Variants in DLC1 observed in about 807,000 individuals in gnomAD.
The protein encoded by DLC1 is rho GTPase-activating protein 7.
Under a neutral mutation model 140.3 loss-of-function variants are expected in DLC1, and 54 were observed. The ratio of observed to expected loss-of-function variants is 0.38; its 90% CI spans 0.31 to 0.48. DLC1 has a LOEUF of 0.48. Among genes scored for constraint, DLC1 ranks in the 20% least tolerant of loss-of-function variants. DLC1 has a pLI of 0.96. For synonymous variants in DLC1, 986 were observed against 728.1 expected (o/e 1.35, Z -5.70); for missense variants, 2,536 against 1,907.0 (o/e 1.33, Z -6.14).
At chr8:13,449,578 C>G (rs190378150) in intron 2 of DLC1, among the ~76,000 whole-genome samples, 1 of 151,758 alleles carries the variant, frequency 6.6e-6, no homozygotes, top group Non-Finnish European at 1.5e-5. Context: ...GGACAAAAAA[C>G]CAAACACTGC....
At chr8:13,299,843 G>A (rs917659699) in intron 5 of DLC1, among the ~76,000 whole-genome samples, 4 of 152,164 alleles carry the variant, frequency 2.6e-5, no homozygotes, top group African/African-American at 9.7e-5. Context: ...GAAGTCAACA[G>A]TGACTCCCAG....
At chr8:13,306,056 G>A (rs1301604986) in intron 4 of DLC1, among the ~76,000 whole-genome samples, 1 of 151,890 alleles carries the variant, frequency 6.6e-6, no homozygotes, top group African/African-American at 2.4e-5. Flanking sequence ...TTTATTAATC[G>A]CATCTAGATA....
chr8:13,386,994 T>C (rs1432853553), intron 4 of DLC1, among the ~76,000 whole-genome samples: 5 of 152,094 alleles, frequency 3.3e-5, no homozygotes, highest in African/African-American at 1.2e-4. Context: ...CAAAAGACAT[T>C]CTTTTCTAAG....
At chr8:13,293,770 A>G (rs1831847752) in intron 5 of DLC1, among the ~76,000 whole-genome samples, 1 of 152,168 alleles carries the variant, frequency 6.6e-6, no homozygotes, top group South Asian at 2.1e-4. Context: ...TGTGGGAGGA[A>G]ACATTTGAAT....
At chr8:13,538,639 C>G in intron 1 of DLC1, among the ~76,000 whole-genome samples, 1 of 152,090 alleles carries the variant, frequency 6.6e-6, no homozygotes, top group Non-Finnish European at 1.5e-5. Flanking sequence ...AGCCAGTAAT[C>G]CTCCTGAAAC....
chr8:13,085,317 A>C lies in DLC1; in HGVS notation c.*494T>G, dbSNP rs1403942484. ...GCCAGACACTGAATCCACCTTAGAC[A>C]TCTATTGCCATTCAGCCAGCAACAA... On this transcript the variant is annotated 3_prime_UTR_variant, in exon 18 of 18. Transcript: ENST00000276297. 2.0e-5 allele frequency: 3 copies of C among 153,258 alleles called. No individual in the cohort carries two copies. The highest frequency in any genetic ancestry group is 4.4e-5 in the Non-Finnish European group (3 of 68,496). 9.5% of individuals were successfully genotyped at this position (153,258 alleles called of 1,614,324 possible).
At chr8:13,206,641 G>A (rs1227936172) in intron 5 of DLC1, among the ~76,000 whole-genome samples, 2 of 152,016 alleles carry the variant, frequency 1.3e-5, no homozygotes, top group Non-Finnish European at 2.9e-5. Flanking sequence ...TAATAAACGA[G>A]CTATTTTAGC....
intron 2 of DLC1, among the ~76,000 whole-genome samples, chr8:13,424,241 A>C (rs369379527): frequency 6.6e-6 from 1 of 152,084 alleles, no homozygotes; most frequent in Non-Finnish European, 1.5e-5. Flanking sequence ...GCTCACCCCT[A>C]TAATCCCAGC....
rs78555693 is a variant in DLC1, at chr8:13,425,871, C to G, written c.1024-24252G>C. On this transcript the variant is annotated intron_variant, in intron 2 of 17. Coordinates refer to ENST00000276297, the MANE Select transcript of DLC1 (RefSeq NM_182643.3). ...CTCACTGTAGCCTTGACCTCCTGGG[C>G]TCAGGCTCAAGTGATTGTCCTCTAT... is the stretch of plus-strand genomic sequence containing the variant. Among the ~76,000 whole-genome samples, 471 of 152,248 alleles carry G rather than the reference C, an allele frequency of 3.1e-3. 1 individual carries two copies. Among genetic ancestry groups the G allele is most frequent in the African/African-American group, 0.011 (464 of 41,540 alleles).
chr8:13,601,502 C>T (rs1344110131), intron 1 of DLC1, among the ~76,000 whole-genome samples: 1 of 151,700 alleles, frequency 6.6e-6, no homozygotes, highest in East Asian at 1.9e-4. Context: ...TTTTTGATTT[C>T]TGGAAACATC....
In DLC1 at chr8:13,365,174, G is replaced by A. The variant is rs766130022; in HGVS notation, c.1314+28379C>T. Among the ~76,000 whole-genome samples, 7 of 152,272 alleles carry A rather than the reference G, an allele frequency of 4.6e-5. 1 individual carries two copies. Among genetic ancestry groups the A allele is most frequent in the African/African-American group, 1.2e-4 (5 of 41,556 alleles). On this transcript the variant is annotated intron_variant, in intron 4 of 17. Coordinates refer to ENST00000276297, the MANE Select transcript of DLC1 (RefSeq NM_182643.3). ...CCTGTTACTGGACTTTGCACAGGTC[G>A]AGAGAATACCCTGTAGGGATTCCTT...
rs146536886 is a variant in DLC1 at position 13,284,313 on chromosome 8, C to A, written c.1348+20956G>T. Among the ~76,000 whole-genome samples the A allele has an allele frequency of 5.8e-3, 876 of 152,146 alleles. 9 individuals are homozygous for A. Among genetic ancestry groups the A allele is most frequent in the African/African-American group, 0.02 (833 of 41,504 alleles). ...AGGCCAAGGCGAGTGGATCACCTAACGTCAGGAGTTCGAGACCAGCCTGAC... is the reference window on the plus strand; with the variant it reads ...AGGCCAAGGCGAGTGGATCACCTAAAGTCAGGAGTTCGAGACCAGCCTGAC... On this transcript the variant is annotated intron_variant, in intron 5 of 17. Transcript: ENST00000276297.
intron 5 of DLC1, among the ~76,000 whole-genome samples, chr8:13,213,845 G>A (rs529694288): frequency 6.6e-6 from 1 of 151,492 alleles, no homozygotes; most frequent in Middle Eastern, 3.2e-3. Context: ...GTGCAGTGGC[G>A]TGATCTCAGT....
Position 13,401,739 on chromosome 8 carries a change from A to G in DLC1, c.1024-120T>C, listed in dbSNP as rs1023953794. ...GGATAATAGGCAGTCTTTAATTAGAAGAGAAGTTCCATTCTGTATCATCAA... is the reference window on the plus strand; with the variant it reads ...GGATAATAGGCAGTCTTTAATTAGAGGAGAAGTTCCATTCTGTATCATCAA... On this transcript the variant is annotated intron_variant, in intron 2 of 17. Transcript: ENST00000276297. 4 of 1,308,008 alleles carry G rather than the reference A, an allele frequency of 3.1e-6. No homozygotes were observed. In the South Asian group the frequency reaches 6.1e-5, roughly 20 times the overall value. The allele number at this position is 1,308,008 out of a possible 1,614,324, so 81.0% of individuals were successfully genotyped here.
intron 4 of DLC1, among the ~76,000 whole-genome samples, chr8:13,383,314 C>T (rs1441680844): frequency 2.0e-5 from 3 of 152,120 alleles, no homozygotes; most frequent in Admixed American, 6.5e-5. Context: ...AGAGGGTCTA[C>T]GGTTGTTATT....
chr8:13,498,181 C>T (rs778377178), intron 2 of DLC1, among the ~76,000 whole-genome samples: 4 of 152,088 alleles, frequency 2.6e-5, no homozygotes, highest in Non-Finnish European at 4.4e-5. Context: ...TGCCATTGGC[C>T]ATGTGGGGTT....
At chr8:13,147,534 G>T (rs993047672) in intron 5 of DLC1, among the ~76,000 whole-genome samples, 3 of 152,162 alleles carry the variant, frequency 2.0e-5, no homozygotes, top group Admixed American at 2.0e-4. Context: ...TCTGGAGCGG[G>T]CAGGCACTCT....
At chr8:13,567,888 G>T in intron 1 of DLC1, 1 of 1,552,026 alleles carries the variant, frequency 6.4e-7, no homozygotes, top group Non-Finnish European at 8.7e-7. Flanking sequence ...CATTTTCTCT[G>T]CCATTTCTCA....
rs529689707 is a variant in DLC1 at position 13,506,608 on chromosome 8, T to C, written c.-125-6412A>G. On this transcript the variant is annotated intron_variant, in intron 1 of 17. Coordinates refer to ENST00000276297, the MANE Select transcript of DLC1 (RefSeq NM_182643.3). ...ATATATATATATATATATATATATA[T>C]ACACATATATATACACACAGAGAGA... 5.6e-3 allele frequency among the ~76,000 whole-genome samples: 771 copies of C among 137,908 alleles called. 18 individuals carry two copies. Among genetic ancestry groups the C allele is most frequent in the African/African-American group, 0.019 (674 of 34,792 alleles). The allele number at this position is 137,908 out of a possible 152,430, so 90.5% of individuals were successfully genotyped here. A position where few individuals can be genotyped will look rare whatever the true frequency, so the allele number is the denominator to read the frequency against.
Sources: gnomAD v4.1 joint callset for allele counts (sites outside exome capture counted in the v4.1 genomes callset) on GRCh38, gnomAD v4.1.1 for gene constraint, MANE v1.5 for transcripts, NCBI Gene and HGNC (gene_info 2026-07-23, HGNC 2026-07-21) for gene names.